The following CNKSR3 variants were observed in gnomAD, a reference collection of about 807,000 sequenced individuals.
CNKSR3 encodes the protein connector enhancer of kinase suppressor of ras 3.
A neutral mutation model predicts 67.7 loss-of-function variants in CNKSR3; 36 were observed. That is an observed-to-expected ratio of 0.53 (90% CI 0.41 to 0.70). The LOEUF (loss-of-function observed/expected upper bound fraction) is 0.70. Ranked by LOEUF, CNKSR3 falls within the 30% of genes least tolerant of loss-of-function variation. CNKSR3 has a pLI of 0.00. For synonymous variants in CNKSR3, 281 were observed against 271.4 expected, an observed-to-expected ratio of 1.04 and a Z score of -0.35; for missense variants, 630 against 695.2, an observed-to-expected ratio of 0.91 and a Z score of 1.05.
chr6:154,491,236 T>A (rs989244061), intron 1 of CNKSR3, among the ~76,000 whole-genome samples: 2 of 152,208 alleles, frequency 1.3e-5, no homozygotes, highest in Admixed American at 6.5e-5. Context: ...CCTCTGCACT[T>A]CTATGATGCC....
Position 154,387,550 on chromosome 6 carries a change from T to C in CNKSR3, c.*18804A>G, listed in dbSNP as rs1384160142. 4 of 152,230 alleles carry C rather than the reference T, an allele frequency of 2.6e-5. No individual in the cohort carries two copies. The highest frequency in any genetic ancestry group is 2.6e-4 in the Admixed American group (4 of 15,284). 9.4% of individuals were successfully genotyped at this position (152,230 alleles called of 1,614,324 possible). On this transcript the variant is annotated 3_prime_UTR_variant, in exon 13 of 13. Transcript: ENST00000607772. ...ATGTTTTATTATGTACATTAGTTAA[T>C]GAGGCACAGGAAAGGAATGTTAAGA...
At chr6:154,447,515 C>T (rs1200413386) in intron 2 of CNKSR3, among the ~76,000 whole-genome samples, 1 of 152,150 alleles carries the variant, frequency 6.6e-6, no homozygotes, top group Non-Finnish European at 1.5e-5. Flanking sequence ...CCACGACTGC[C>T]AGCCAAAGTC....
intron 1 of CNKSR3, among the ~76,000 whole-genome samples, chr6:154,494,194 G>A (rs1306801517): frequency 6.6e-6 from 1 of 152,184 alleles, no homozygotes; most frequent in Non-Finnish European, 1.5e-5. Flanking sequence ...CAATCGTGGT[G>A]GAAGAGGAAG....
chr6:154,468,202 C>A (rs1262472311), intron 1 of CNKSR3, among the ~76,000 whole-genome samples: 1 of 150,948 alleles, frequency 6.6e-6, no homozygotes, highest in Non-Finnish European at 1.5e-5. Flanking sequence ...TCAGCCTCCT[C>A]CCAAGCAGCC....
At chr6:154,461,707 G>A (rs2128720967) in intron 1 of CNKSR3, among the ~76,000 whole-genome samples, 1 of 152,308 alleles carries the variant, frequency 6.6e-6, no homozygotes, top group African/African-American at 2.4e-5. Context: ...AAAATTACCA[G>A]GTATATAGTA....
intron 1 of CNKSR3, among the ~76,000 whole-genome samples, chr6:154,470,597 G>T (rs140493347): frequency 0.028 from 4,243 of 152,186 alleles, 82 homozygotes; most frequent in South Asian, 0.046. Flanking sequence ...GTTTATCTAT[G>T]TTGCAGCCTG....
At chr6:154,485,015 C>T (rs1050506315) in intron 1 of CNKSR3, among the ~76,000 whole-genome samples, 2 of 152,176 alleles carry the variant, frequency 1.3e-5, no homozygotes, top group Non-Finnish European at 2.9e-5. Flanking sequence ...CCAAGACTGC[C>T]AATTCCACTG....
At chr6:154,408,602 A>T (rs976671473) in intron 12 of CNKSR3, among the ~76,000 whole-genome samples, 1 of 152,206 alleles carries the variant, frequency 6.6e-6, no homozygotes, top group Non-Finnish European at 1.5e-5. Flanking sequence ...CACAGAGTAG[A>T]TGAGTGCCTG....
At position 154,388,036 on chromosome 6, in the gene CNKSR3, G is replaced by A. The variant is rs1225202512; in HGVS notation, c.*18318C>T. ...TTTTTTTTTTCAGTAAGAACACAAG[G>A]TGAGATCTATCTTAACAAATTGTTC... On this transcript the variant is annotated 3_prime_UTR_variant, in exon 13 of 13. Transcript: ENST00000607772. 1 of 151,442 alleles carries A rather than the reference G, an allele frequency of 6.6e-6. No homozygotes were observed. Among genetic ancestry groups the A allele is most frequent in the Non-Finnish European group, 1.5e-5 (1 of 67,914 alleles). 9.4% of individuals were successfully genotyped at this position (151,442 alleles called of 1,614,324 possible). A position where few individuals can be genotyped will look rare whatever the true frequency, so the allele number is the denominator to read the frequency against.
At chr6:154,436,082 G>A (rs550830422) in intron 4 of CNKSR3, among the ~76,000 whole-genome samples, 4 of 152,348 alleles carry the variant, frequency 2.6e-5, no homozygotes, top group Non-Finnish European at 4.4e-5. Context: ...CTGAGAATTC[G>A]GTGTGATGGC....
intron 4 of CNKSR3, among the ~76,000 whole-genome samples, chr6:154,435,777 C>T (rs955437146): frequency 5.3e-5 from 8 of 152,236 alleles, no homozygotes; most frequent in African/African-American, 1.4e-4. Context: ...GCACTCAGCA[C>T]CCCCCTGCCT....
intron 1 of CNKSR3, among the ~76,000 whole-genome samples, chr6:154,457,839 T>A (rs923398025): frequency 2.0e-5 from 3 of 152,158 alleles, no homozygotes; most frequent in African/African-American, 7.2e-5. Flanking sequence ...CAACACAGCA[T>A]CTCAAGTCCT....
chr6:154,510,122 C>A lies in CNKSR3; in HGVS notation c.-8G>T, dbSNP rs756491167. On this transcript the variant is annotated 5_prime_UTR_variant, in exon 1 of 13. Coordinates refer to ENST00000607772, the MANE Select transcript of CNKSR3 (RefSeq NM_173515.4). ...CTTGGTCACGGGTTCCATGGTAAAC[C>A]GCTTCGCCTCTCGCTGGGCTGGAGA... The A allele has an allele frequency of 3.1e-6, 5 of 1,614,146 alleles. No individual in the cohort carries two copies. Among genetic ancestry groups the A allele is most frequent in the South Asian group, 1.1e-5 (1 of 91,078 alleles).
intron 1 of CNKSR3, among the ~76,000 whole-genome samples, chr6:154,487,055 GCA>G (rs1786688805): frequency 6.6e-6 from 1 of 152,116 alleles, no homozygotes; most frequent in South Asian, 2.1e-4. Context: ...GGGACTACAG[GCA>G]CGTGCCACCA....
chr6:154,509,571 G>C (rs1015161279), intron 1 of CNKSR3, among the ~76,000 whole-genome samples: 3 of 152,084 alleles, frequency 2.0e-5, no homozygotes, highest in African/African-American at 7.2e-5. Flanking sequence ...AGACAGGCTC[G>C]GCGGACCCGC....
At chr6:154,458,665 A>G (rs945049340) in intron 1 of CNKSR3, among the ~76,000 whole-genome samples, 6 of 151,894 alleles carry the variant, frequency 4.0e-5, no homozygotes, top group African/African-American at 1.5e-4. Flanking sequence ...AATGAGCCCA[A>G]TTTCTCCTCC....
intron 1 of CNKSR3, among the ~76,000 whole-genome samples, chr6:154,496,419 G>A (rs559259655): frequency 6.9e-5 from 10 of 145,026 alleles, no homozygotes; most frequent in Admixed American, 2.0e-4. Flanking sequence ...ACAGCAGCCC[G>A]CAGGAGAGGC....
At chr6:154,435,292 GC>G (rs1179580711) in intron 4 of CNKSR3, among the ~76,000 whole-genome samples, 3 of 151,956 alleles carry the variant, frequency 2.0e-5, no homozygotes, top group Non-Finnish European at 4.4e-5. Flanking sequence ...ACCACACCCG[GC>G]CCACAAATCT....
In CNKSR3 at chr6:154,400,554, T is replaced by C. The variant is rs574565475; in HGVS notation, c.*5800A>G. The C allele has an allele frequency of 1.4e-4, 21 of 152,320 alleles. No individual in the cohort carries two copies. The highest frequency in any genetic ancestry group is 5.1e-4 in the African/African-American group (21 of 41,568). 9.4% of individuals were successfully genotyped at this position (152,320 alleles called of 1,614,324 possible). A position where few individuals can be genotyped will look rare whatever the true frequency, so the allele number is the denominator to read the frequency against. On this transcript the variant is annotated 3_prime_UTR_variant, in exon 13 of 13. Transcript: ENST00000607772. ...TGGCTGTGTAGCATTTTTTGTTGCT[T>C]ATAGACAAAATTTCTCTCCTCTATC...
Sources: gnomAD v4.1 joint callset for allele counts (sites outside exome capture counted in the v4.1 genomes callset) on GRCh38, gnomAD v4.1.1 for gene constraint, MANE v1.5 for transcripts, NCBI Gene and HGNC (gene_info 2026-07-23, HGNC 2026-07-21) for gene names.